Variants in RARB observed in about 807,000 individuals in gnomAD.
RARB encodes the protein HBV-activated protein.
RARB carries 17 observed loss-of-function variants against 51.9 expected under a neutral mutation model. The observed-to-expected ratio is 0.33, with a 90% confidence interval of 0.22 to 0.49. The LOEUF (loss-of-function observed/expected upper bound fraction) is 0.49. RARB is among the 20% of genes least tolerant of loss of function. RARB has a pLI of 0.99. For synonymous variants in RARB, 215 were observed against 195.4 expected, an observed-to-expected ratio of 1.10 and a Z score of -0.84; for missense variants, 369 against 550.8, an observed-to-expected ratio of 0.67 and a Z score of 3.30.
chr3:25,289,948 C>A lies in RARB; in HGVS notation c.178+115373C>A, dbSNP rs569940302. ...AAAAGGATGTCACCACAACTCTGAG[C>A]TGGGAAGAAATCCTGACTTTACTGG... On this transcript the variant is annotated intron_variant, in intron 5 of 11. Transcript: ENST00000383772. Among the ~76,000 whole-genome samples the A allele has an allele frequency of 5.7e-4, 87 of 152,234 alleles. 1 individual carries two copies. In the Middle Eastern group the frequency reaches 0.01, roughly 18 times the overall value.
At chr3:25,107,080 C>T (rs1699520993) in intron 3 of RARB, among the ~76,000 whole-genome samples, 1 of 151,940 alleles carries the variant, frequency 6.6e-6, no homozygotes, top group South Asian at 2.1e-4. Flanking sequence ...TTTGTATTTG[C>T]AGTAGAGAGG....
chr3:25,202,883 A>G (rs1490359864), intron 5 of RARB, among the ~76,000 whole-genome samples: 3 of 152,176 alleles, frequency 2.0e-5, no homozygotes, highest in African/African-American at 7.2e-5. Context: ...AATAACTGCA[A>G]TGTGGTGCTG....
At chr3:25,360,284 A>G (rs1705888893) in intron 5 of RARB, among the ~76,000 whole-genome samples, 1 of 152,122 alleles carries the variant, frequency 6.6e-6, no homozygotes, top group South Asian at 2.1e-4. Flanking sequence ...TTTATCAGAG[A>G]CTAGGATTGC....
chr3:24,851,164 G>C (rs974789283), intron 1 of RARB, among the ~76,000 whole-genome samples: 1 of 152,140 alleles, frequency 6.6e-6, no homozygotes, highest in Non-Finnish European at 1.5e-5. Context: ...GCCTGGTTTG[G>C]TGGCTCATGC....
rs145943703 is a variant in RARB at position 25,323,269 on chromosome 3, G to A, written c.179-137924G>A. On this transcript the variant is annotated intron_variant, in intron 5 of 11. Coordinates refer to the RARB transcript ENST00000383772. ...AACCACAGGACCAGCTCAGAATGAG[G>A]GGAAATAGACCCAAGGTGGGAGGAA... 5.4e-3 allele frequency among the ~76,000 whole-genome samples: 815 copies of A among 152,320 alleles called. 4 individuals carry two copies. The highest frequency in any genetic ancestry group is 0.017 in the Middle Eastern group (5 of 294).
At chr3:24,873,699 T>C (rs760105563) in intron 2 of RARB, among the ~76,000 whole-genome samples, 2 of 152,118 alleles carry the variant, frequency 1.3e-5, no homozygotes, top group South Asian at 4.1e-4. Flanking sequence ...AATTTACAGC[T>C]ATAAATTTTC....
intron 2 of RARB, among the ~76,000 whole-genome samples, chr3:25,491,318 A>G (rs186092839): frequency 2.0e-5 from 3 of 152,066 alleles, no homozygotes; most frequent in Admixed American, 2.0e-4. Context: ...AATAAAGCCC[A>G]GTAGTAAAAC....
chr3:25,063,866 G>T (rs983770837), intron 3 of RARB, among the ~76,000 whole-genome samples: 1 of 151,954 alleles, frequency 6.6e-6, no homozygotes, highest in Non-Finnish European at 1.5e-5. Flanking sequence ...CAGAAGTTGT[G>T]GTTTAGGAGA....
chr3:24,959,581 T>G (rs1696094761), intron 2 of RARB, among the ~76,000 whole-genome samples: 1 of 152,200 alleles, frequency 6.6e-6, no homozygotes, highest in Non-Finnish European at 1.5e-5. Flanking sequence ...GGATGTAAAG[T>G]TCTCACATGG....
chr3:25,125,620 A>G (rs138230635), intron 3 of RARB, among the ~76,000 whole-genome samples: 200 of 152,312 alleles, frequency 1.3e-3, no homozygotes, highest in African/African-American at 4.5e-3. Flanking sequence ...AATAAATTGA[A>G]TACTCTGACA....
Position 25,580,549 on chromosome 3 carries a change from T to G in RARB, c.613T>G (p.Ser205Ala). The G allele has an allele frequency of 6.3e-7, 1 of 1,589,256 alleles. No homozygotes were observed. Among genetic ancestry groups the G allele is most frequent in the Non-Finnish European group, 8.6e-7 (1 of 1,160,708 alleles). Reference sequence around the variant, plus strand: ...TGACATTTTCTCTCTCTCCTAGAATTCCAGTGCTGACCATCGAGTCCGACT... The same window carrying G: ...TGACATTTTCTCTCTCTCCTAGAATGCCAGTGCTGACCATCGAGTCCGACT... ...LCQLGKYTTN[S>A]SADHRVRLDL... Residue 205 changes from serine to alanine, a missense_variant, in exon 5 of 8, where the codon TCC becomes GCC. Ser to Ala is a moderately conservative substitution (Grantham distance 99). Coordinates refer to ENST00000330688, the MANE Select transcript of RARB (RefSeq NM_000965.5).
At chr3:25,448,756 C>T (rs571182973) in intron 1 of RARB, among the ~76,000 whole-genome samples, 25 of 152,252 alleles carry the variant, frequency 1.6e-4, no homozygotes, top group African/African-American at 3.1e-4. Context: ...CGTGAGCCAC[C>T]GTGCCCGGCC....
rs191088739 is a variant in RARB, at chr3:25,104,297, A to G, written c.-327-27864A>G. ...GATGGGAATATAACTTGGTAAAACCACTTTGGAAATCTCTCACTATCTACT... is the reference window on the plus strand; with the variant it reads ...GATGGGAATATAACTTGGTAAAACCGCTTTGGAAATCTCTCACTATCTACT... On this transcript the variant is annotated intron_variant, in intron 3 of 11. Transcript: ENST00000383772. 3.2e-4 allele frequency among the ~76,000 whole-genome samples: 49 copies of G among 152,242 alleles called. 1 individual carries two copies. The highest frequency in any genetic ancestry group is 2.7e-3 in the Admixed American group (41 of 15,284).
At chr3:25,060,859 A>C (rs1698535565) in intron 3 of RARB, among the ~76,000 whole-genome samples, 2 of 151,876 alleles carry the variant, frequency 1.3e-5, no homozygotes, top group Non-Finnish European at 2.9e-5. Context: ...GAAATTATTT[A>C]TGTAATTTAT....
chr3:24,926,105 A>C (rs936691184), intron 2 of RARB, among the ~76,000 whole-genome samples: 2 of 152,074 alleles, frequency 1.3e-5, no homozygotes, highest in African/African-American at 4.8e-5. Context: ...ATATTTTTAC[A>C]ATTTCGTTTT....
At chr3:25,275,042 A>G (rs904994831) in intron 5 of RARB, among the ~76,000 whole-genome samples, 5 of 152,298 alleles carry the variant, frequency 3.3e-5, no homozygotes, top group Admixed American at 2.0e-4. Context: ...TTTTTTAAAA[A>G]AGATCTTCGT....
At chr3:25,119,540 C>A (rs1699744941) in intron 3 of RARB, among the ~76,000 whole-genome samples, 1 of 151,994 alleles carries the variant, frequency 6.6e-6, no homozygotes, top group African/African-American at 2.4e-5. Context: ...CTTATGCACC[C>A]TGACCCCCAT....
chr3:25,585,250 G>C (rs970310784), intron 5 of RARB, among the ~76,000 whole-genome samples: 1 of 152,038 alleles, frequency 6.6e-6, no homozygotes, highest in Non-Finnish European at 1.5e-5. Context: ...AGTTATGTTC[G>C]GTATTATTGT....
chr3:25,355,027 T>C (rs1043527328), intron 5 of RARB, among the ~76,000 whole-genome samples: 5 of 152,168 alleles, frequency 3.3e-5, no homozygotes, highest in Non-Finnish European at 5.9e-5. Context: ...GGGCAAGTTA[T>C]AGCACCTTGC....
Sources: gnomAD v4.1 joint callset for allele counts (sites outside exome capture counted in the v4.1 genomes callset) on GRCh38, gnomAD v4.1.1 for gene constraint, MANE v1.5 for transcripts, NCBI Gene and HGNC (gene_info 2026-07-23, HGNC 2026-07-21) for gene names.